The following CCDC178 variants were observed in gnomAD, a reference collection of about 807,000 sequenced individuals.
CCDC178 encodes the protein coiled-coil domain-containing protein 178.
A neutral mutation model predicts 117.4 loss-of-function variants in CCDC178; 126 were observed. The ratio of observed to expected loss-of-function variants is 1.07; its 90% CI spans 0.93 to 1.24. The LOEUF (loss-of-function observed/expected upper bound fraction) is 1.24. Ranked by LOEUF, CCDC178 falls within the 50% of genes most tolerant of loss-of-function variation. The probability of loss-of-function intolerance (pLI) is 0.00; values close to 1 mark genes in which losing one functional copy is unlikely to be tolerated. For missense variants in CCDC178, 1,030 were observed against 986.9 expected (o/e 1.04, Z -0.59); for synonymous variants, 283 against 313.4 (o/e 0.90, Z 1.02).
intron 20 of CCDC178, among the ~76,000 whole-genome samples, chr18:33,172,743 T>C (rs1421264195): frequency 6.6e-6 from 1 of 152,204 alleles, no homozygotes; most frequent in Middle Eastern, 3.2e-3. Context: ...GTGGGTGTTT[T>C]CAAAATTTGT....
At chr18:33,360,685 A>T (rs1038082218) in intron 6 of CCDC178, among the ~76,000 whole-genome samples, 5 of 151,670 alleles carry the variant, frequency 3.3e-5, no homozygotes, top group Non-Finnish European at 3.0e-5. Flanking sequence ...AATGTACAAA[A>T]ACTAGTAGCA....
intron 22 of CCDC178, among the ~76,000 whole-genome samples, chr18:32,973,472 T>G (rs1320703818): frequency 6.6e-6 from 1 of 152,060 alleles, no homozygotes; most frequent in Non-Finnish European, 1.5e-5. Flanking sequence ...CTACTAAATC[T>G]ACATGTTTTA....
At chr18:33,078,954 A>T (rs987078371) in intron 21 of CCDC178, among the ~76,000 whole-genome samples, 2 of 152,184 alleles carry the variant, frequency 1.3e-5, no homozygotes, top group African/African-American at 4.8e-5. Flanking sequence ...GAAACAAAAA[A>T]GCCTGAATAG....
chr18:33,108,006 G>GT (rs367979473), intron 20 of CCDC178, among the ~76,000 whole-genome samples: 14 of 151,686 alleles, frequency 9.2e-5, no homozygotes, highest in South Asian at 2.1e-4. Context: ...ACCTTTTGAA[G>GT]TTTTTTTATC....
rs1233904080 is a variant in CCDC178 at position 33,265,366 on chromosome 18, T to G, written c.1409+1550A>C. On this transcript the variant is annotated intron_variant, in intron 14 of 22. Coordinates refer to ENST00000383096, the MANE Select transcript of CCDC178 (RefSeq NM_001105528.4). ...AGGAAGACAGAAATGAATCAAATAT[T>G]CATACACAAAAAATTATGAATATGA... Among the ~76,000 whole-genome samples, 7 of 152,100 alleles carry G rather than the reference T, an allele frequency of 4.6e-5. No homozygotes were observed. The East Asian group carries it at 1.2e-3, about 25-fold the overall frequency.
intron 21 of CCDC178, among the ~76,000 whole-genome samples, chr18:32,993,428 T>C (rs1360548844): frequency 6.6e-6 from 1 of 151,086 alleles, no homozygotes; most frequent in Non-Finnish European, 1.5e-5. Flanking sequence ...TAATTAAAAA[T>C]AAGTACAAAT....
At chr18:33,038,332 G>A (rs988236413) in intron 21 of CCDC178, among the ~76,000 whole-genome samples, 7 of 151,912 alleles carry the variant, frequency 4.6e-5, no homozygotes, top group Non-Finnish European at 8.8e-5. Flanking sequence ...AGACTACAAA[G>A]CAGATATTAT....
rs547481732 is a variant in CCDC178, at chr18:32,962,287, A to T, written c.2523+12260T>A. Among the ~76,000 whole-genome samples, 417 of 152,198 alleles carry T rather than the reference A, an allele frequency of 2.7e-3. 2 individuals carry two copies. Among genetic ancestry groups the T allele is most frequent in the Non-Finnish European group, 5.1e-3 (348 of 67,992 alleles). On this transcript the variant is annotated intron_variant, in intron 22 of 22. Coordinates refer to ENST00000383096, the MANE Select transcript of CCDC178 (RefSeq NM_001105528.4). ...TGTATCTAAATTCAGTTGTCTTTTT[A>T]ATAAATGAAGACAATAAAAAGAGAG...
chr18:33,066,780 G>T (rs577125155), intron 21 of CCDC178, among the ~76,000 whole-genome samples: 47 of 152,218 alleles, frequency 3.1e-4, no homozygotes, highest in Middle Eastern at 3.4e-3. Context: ...AATGCTAAAA[G>T]GACTAATCCA....
At chr18:33,427,848 A>C (rs1351568199) in intron 2 of CCDC178, among the ~76,000 whole-genome samples, 1 of 152,180 alleles carries the variant, frequency 6.6e-6, no homozygotes, top group African/African-American at 2.4e-5. Flanking sequence ...TCACGATGTT[A>C]AATTATTTCC....
rs574003332 is a variant in CCDC178 at position 33,248,770 on chromosome 18, A to G, written c.1410-3342T>C. ...ATAGCAGCATGATTTATAATCCTTCAGGTATATACCCAGTAATGGGATGGC... is the reference window on the plus strand; with the variant it reads ...ATAGCAGCATGATTTATAATCCTTCGGGTATATACCCAGTAATGGGATGGC... On this transcript the variant is annotated intron_variant, in intron 14 of 22. Transcript: ENST00000383096. 6.6e-5 allele frequency among the ~76,000 whole-genome samples: 10 copies of G among 151,990 alleles called. No homozygotes were observed. The East Asian group carries it at 1.4e-3, about 21-fold the overall frequency.
intron 15 of CCDC178, among the ~76,000 whole-genome samples, chr18:33,234,743 C>A (rs1019181322): frequency 6.6e-6 from 1 of 151,900 alleles, no homozygotes; most frequent in Non-Finnish European, 1.5e-5. Flanking sequence ...TTTTACCAAC[C>A]TTTATTAAAA....
intron 20 of CCDC178, among the ~76,000 whole-genome samples, chr18:33,160,810 C>T (rs890988655): frequency 6.6e-6 from 1 of 152,040 alleles, no homozygotes; most frequent in Non-Finnish European, 1.5e-5. Context: ...TGATATTTTC[C>T]AAGCTTTGGC....
chr18:33,319,970 A>C (rs911399454), intron 11 of CCDC178, among the ~76,000 whole-genome samples: 1 of 152,216 alleles, frequency 6.6e-6, no homozygotes, highest in Admixed American at 6.5e-5. Context: ...CCAGCATATA[A>C]ACAGAACCAA....
At chr18:32,962,886 C>T (rs989571158) in intron 22 of CCDC178, among the ~76,000 whole-genome samples, 4 of 152,006 alleles carry the variant, frequency 2.6e-5, no homozygotes, top group Admixed American at 2.0e-4. Context: ...CTAAGAAGTG[C>T]ATGCTGATAT....
At chr18:33,162,722 T>C (rs1209030929) in intron 20 of CCDC178, among the ~76,000 whole-genome samples, 1 of 152,204 alleles carries the variant, frequency 6.6e-6, no homozygotes, top group Non-Finnish European at 1.5e-5. Context: ...CCAAGGATGA[T>C]GGCCTCCAGC....
chr18:33,161,838 T>C (rs1598947492), intron 20 of CCDC178, among the ~76,000 whole-genome samples: 1 of 152,164 alleles, frequency 6.6e-6, no homozygotes, highest in East Asian at 1.9e-4. Flanking sequence ...TTTGGGTTGG[T>C]TCCAAGTCTT....
At chr18:33,439,201 A>T (rs1157619423) in intron 2 of CCDC178, among the ~76,000 whole-genome samples, 1 of 152,266 alleles carries the variant, frequency 6.6e-6, no homozygotes, top group Non-Finnish European at 1.5e-5. Flanking sequence ...AATGAAGTCC[A>T]TATTATAAAG....
intron 22 of CCDC178, among the ~76,000 whole-genome samples, chr18:32,967,732 C>T (rs2054844687): frequency 6.6e-6 from 1 of 150,808 alleles, no homozygotes; most frequent in Non-Finnish European, 1.5e-5. Context: ...ACTTTTTTTT[C>T]TCTAGTATTT....
Sources: allele counts gnomAD v4.1 joint callset (sites outside exome capture counted in the v4.1 genomes callset), GRCh38; gene constraint gnomAD v4.1.1; transcripts MANE v1.5; gene names NCBI Gene and HGNC (gene_info 2026-07-23, HGNC 2026-07-21).